The following PKP4 variants were observed in gnomAD, a reference collection of about 807,000 sequenced individuals.
PKP4 encodes plakophilin 4, also known as plakophilin-4.
Under a neutral mutation model 145.1 loss-of-function variants are expected in PKP4, and 90 were observed. The ratio of observed to expected loss-of-function variants is 0.62; its 90% CI spans 0.52 to 0.74. The LOEUF (loss-of-function observed/expected upper bound fraction) is 0.74. Among genes scored for constraint, PKP4 ranks in the 30% least tolerant of loss-of-function variants. PKP4 has a pLI of 0.00. For missense variants in PKP4, 1,340 were observed against 1,482.7 expected, an observed-to-expected ratio of 0.90 and a Z score of 1.58; for synonymous variants, 563 against 577.2, an observed-to-expected ratio of 0.98 and a Z score of 0.35.
At position 158,661,314 on chromosome 2, in the gene PKP4, C is replaced by CAGCAG; in HGVS notation, c.2094-19_2094-18insAGCAG. 1 of 1,582,610 alleles carries CAGCAG rather than the reference C, an allele frequency of 6.3e-7. No individual in the cohort carries two copies. The highest frequency in any genetic ancestry group is 8.7e-7 in the Non-Finnish European group (1 of 1,152,370). The stretch of plus-strand genomic sequence containing the variant: ...TGCATGGTTCATCTCAGCAGCTCCT[C>CAGCAG]CTGTCTCCACCCCTTTAGGAACCTC... On this transcript the variant is annotated intron_variant, in intron 12 of 21. Coordinates refer to ENST00000389759, the MANE Select transcript of PKP4 (RefSeq NM_003628.6).
intron 2 of PKP4, among the ~76,000 whole-genome samples, chr2:158,570,724 A>G (rs182726558): frequency 2.0e-5 from 3 of 152,292 alleles, no homozygotes; most frequent in African/African-American, 7.2e-5. Context: ...AAACATTTCT[A>G]AAAATTACTA....
chr2:158,636,175 A>G (rs1404727037), intron 9 of PKP4, among the ~76,000 whole-genome samples: 1 of 152,110 alleles, frequency 6.6e-6, no homozygotes, highest in Non-Finnish European at 1.5e-5. Flanking sequence ...CCTTTGGCCT[A>G]AAGAACTTCC....
chr2:158,604,307 A>G (rs1558872734), intron 4 of PKP4, among the ~76,000 whole-genome samples: 1 of 152,144 alleles, frequency 6.6e-6, no homozygotes, highest in African/African-American at 2.4e-5. Context: ...GGGAGGTGAT[A>G]AGACGTGCAA....
intron 4 of PKP4, among the ~76,000 whole-genome samples, chr2:158,614,466 A>G (rs1274679795): frequency 6.6e-6 from 1 of 152,202 alleles, no homozygotes; most frequent in Non-Finnish European, 1.5e-5. Flanking sequence ...CAGCCAGTGG[A>G]TATTACTTAA....
intron 3 of PKP4, among the ~76,000 whole-genome samples, chr2:158,592,225 A>T (rs1347329275): frequency 6.6e-6 from 1 of 151,978 alleles, no homozygotes; most frequent in Non-Finnish European, 1.5e-5. Flanking sequence ...GGGTAAGGGG[A>T]TATGGGATGA....
chr2:158,666,500 G>C lies in PKP4; in HGVS notation c.2665G>C (p.Val889Leu). The change falls in exon 16 of 22, where the codon GTT (valine) becomes CTT (leucine). Residue 889 changes from valine to leucine, a missense_variant. Coordinates refer to ENST00000389759, the MANE Select transcript of PKP4 (RefSeq NM_003628.6). ...ELLRMDNDRV[V>L]SSVATALRNM... ...TCTGAGAATGGATAACGATAGAGTT[G>C]TTTCTTCCGTGGCAACAGCCTTGAG... The C allele has an allele frequency of 6.2e-7, 1 of 1,613,754 alleles. No individual in the cohort carries two copies. The highest frequency in any genetic ancestry group is 1.7e-4 in the Middle Eastern group (1 of 6,060).
intron 8 of PKP4, among the ~76,000 whole-genome samples, chr2:158,632,242 A>G (rs967986700): frequency 5.3e-5 from 8 of 152,232 alleles, no homozygotes; most frequent in Non-Finnish European, 7.3e-5. Flanking sequence ...ATTCAGTATC[A>G]AAAGGAAAGC....
At chr2:158,581,615 C>T (rs955995756) in intron 3 of PKP4, among the ~76,000 whole-genome samples, 1 of 152,176 alleles carries the variant, frequency 6.6e-6, no homozygotes, top group African/African-American at 2.4e-5. Flanking sequence ...AATCCTCTTC[C>T]CCGAATGGGT....
At chr2:158,505,836 T>A (rs1264539934) in intron 1 of PKP4, among the ~76,000 whole-genome samples, 1 of 152,016 alleles carries the variant, frequency 6.6e-6, no homozygotes, top group Non-Finnish European at 1.5e-5. Flanking sequence ...AGTGCTGCTG[T>A]CCCTGGAAGT....
At chr2:158,507,629 A>T (rs948429741) in intron 1 of PKP4, among the ~76,000 whole-genome samples, 9 of 152,120 alleles carry the variant, frequency 5.9e-5, no homozygotes, top group African/African-American at 1.4e-4. Flanking sequence ...TTGTTTTTTT[A>T]AATTTAAAAA....
At chr2:158,509,327 T>C (rs549273458) in intron 1 of PKP4, among the ~76,000 whole-genome samples, 1 of 152,232 alleles carries the variant, frequency 6.6e-6, no homozygotes, top group African/African-American at 2.4e-5. Context: ...ATCTTTGAGG[T>C]ATTTTACCAC....
At chr2:158,678,195 G>A (rs983151540) in intron 20 of PKP4, among the ~76,000 whole-genome samples, 1 of 152,188 alleles carries the variant, frequency 6.6e-6, no homozygotes, top group Non-Finnish European at 1.5e-5. Flanking sequence ...ACCCACTGCC[G>A]TAGCTCAGAG....
intron 2 of PKP4, among the ~76,000 whole-genome samples, chr2:158,537,830 C>G (rs2044180104): frequency 6.6e-6 from 1 of 151,980 alleles, no homozygotes; most frequent in African/African-American, 2.4e-5. Flanking sequence ...GAGTTCAAGG[C>G]CAGCCTGGGC....
At chr2:158,487,133 C>A (rs1197434659) in intron 1 of PKP4, among the ~76,000 whole-genome samples, 1 of 152,108 alleles carries the variant, frequency 6.6e-6, no homozygotes, top group African/African-American at 2.4e-5. Flanking sequence ...GTTTGTCACG[C>A]TATGATTCAG....
At chr2:158,467,536 A>T (rs1355599987) in intron 1 of PKP4, among the ~76,000 whole-genome samples, 1 of 115,036 alleles carries the variant, frequency 8.7e-6, no homozygotes, top group Non-Finnish European at 1.7e-5. Context: ...TGGGTGAGAG[A>T]GTGAGACCTT....
At chr2:158,606,087 T>G (rs13418646) in intron 4 of PKP4, among the ~76,000 whole-genome samples, 13,370 of 152,300 alleles carry the variant, frequency 0.088, 759 homozygotes, top group Middle Eastern at 0.17. Context: ...TATAAAAGTT[T>G]TGAATATATG....
intron 1 of PKP4, among the ~76,000 whole-genome samples, chr2:158,513,788 C>T (rs539481092): frequency 6.6e-6 from 1 of 152,252 alleles, no homozygotes; most frequent in South Asian, 2.1e-4. Context: ...TTTGCACTTA[C>T]TATTGTTCCT....
chr2:158,474,653 G>C (rs1692163907), intron 1 of PKP4, among the ~76,000 whole-genome samples: 1 of 152,162 alleles, frequency 6.6e-6, no homozygotes, highest in Admixed American at 6.5e-5. Context: ...AAGGAAGACG[G>C]GTTTTTTGCC....
chr2:158,680,292 A>G, intron 21 of PKP4, 137 bp from the exon 22 acceptor site: 1 of 678,122 alleles, frequency 1.5e-6, no homozygotes, highest in Non-Finnish European at 2.5e-6. Context: ...TGTGCACCAG[A>G]AACAGCTTTT....
Sources: gnomAD v4.1 joint callset for allele counts (sites outside exome capture counted in the v4.1 genomes callset) on GRCh38, gnomAD v4.1.1 for gene constraint, MANE v1.5 for transcripts, NCBI Gene and HGNC (gene_info 2026-07-23, HGNC 2026-07-21) for gene names.